Variants in DOCK3 observed in about 807,000 individuals in gnomAD.
DOCK3 encodes dedicator of cytokinesis protein 3.
DOCK3 carries 60 observed loss-of-function variants against 265.6 expected under a neutral mutation model. The observed-to-expected ratio is 0.23, with a 90% CI of 0.18 to 0.28. The LOEUF (loss-of-function observed/expected upper bound fraction) is 0.28, where lower values mean the gene tolerates loss of function less well. Ranked by LOEUF, DOCK3 falls within the 10% of genes least tolerant of loss-of-function variation. The probability of loss-of-function intolerance (pLI) is 1.00; values close to 1 mark genes in which losing one functional copy is unlikely to be tolerated. For synonymous variants in DOCK3, 881 were observed against 938.0 expected, an observed-to-expected ratio of 0.94 and a Z score of 1.11; for missense variants, 1,981 against 2,594.3, an observed-to-expected ratio of 0.76 and a Z score of 5.14.
chr3:51,310,332 T>C lies in DOCK3; in HGVS notation c.3017+6T>C. On this transcript the variant is annotated splice_donor_region_variant and intron_variant, in intron 28 of 52. Transcript: ENST00000266037. ...ATGAGACTGCTCACAAGCAAGTAAG[T>C]ATGGAAGGGCTCTGTATCAGCATCA... 1.3e-6 allele frequency: 2 copies of C among 1,583,840 alleles called. No individual in the cohort carries two copies. The highest frequency in any genetic ancestry group is 8.6e-7 in the Non-Finnish European group (1 of 1,163,144).
intron 1 of DOCK3, among the ~76,000 whole-genome samples, chr3:50,676,065 C>T (rs1005802383): frequency 6.6e-6 from 1 of 152,156 alleles, no homozygotes; most frequent in Admixed American, 6.5e-5. Flanking sequence ...GTGGCAATTA[C>T]ATGATAGAGT....
chr3:51,135,336 C>T (rs1258079353), intron 9 of DOCK3, among the ~76,000 whole-genome samples: 1 of 152,204 alleles, frequency 6.6e-6, no homozygotes, highest in Non-Finnish European at 1.5e-5. Flanking sequence ...TGTTGTCTCT[C>T]TGGAGTTCTT....
At chr3:50,725,850 C>T (rs189835742) in intron 1 of DOCK3, among the ~76,000 whole-genome samples, 11 of 152,140 alleles carry the variant, frequency 7.2e-5, no homozygotes, top group East Asian at 3.9e-4. Flanking sequence ...AGTAGCCTCC[C>T]GGGTGGCATT....
chr3:51,344,684 G>C (rs975766049), intron 38 of DOCK3, among the ~76,000 whole-genome samples: 3 of 152,280 alleles, frequency 2.0e-5, no homozygotes, highest in Admixed American at 6.5e-5. Flanking sequence ...CACTGGTAGG[G>C]AGTTTTAGAG....
chr3:50,824,178 T>C (rs1251680800), intron 2 of DOCK3, among the ~76,000 whole-genome samples: 1 of 152,194 alleles, frequency 6.6e-6, no homozygotes, highest in East Asian at 1.9e-4. Flanking sequence ...TAGGCTACTT[T>C]AATAAGTGAA....
chr3:50,811,319 A>C (rs1283543023), intron 2 of DOCK3, among the ~76,000 whole-genome samples: 1 of 152,016 alleles, frequency 6.6e-6, no homozygotes, highest in Admixed American at 6.6e-5. Context: ...CAGGAGGATC[A>C]CTTGAGCCCA....
intron 4 of DOCK3, among the ~76,000 whole-genome samples, chr3:50,905,512 C>A (rs2049440519): frequency 6.6e-6 from 1 of 152,090 alleles, no homozygotes; most frequent in African/African-American, 2.4e-5. Context: ...GTATTTTATT[C>A]TCTTTGAAGC....
At chr3:50,847,791 G>A (rs937730737) in intron 3 of DOCK3, among the ~76,000 whole-genome samples, 9 of 144,956 alleles carry the variant, frequency 6.2e-5, no homozygotes, top group Admixed American at 2.2e-4. Flanking sequence ...GGCTGAGGCA[G>A]GAGAATTGCT....
At chr3:50,716,056 C>G (rs897323504) in intron 1 of DOCK3, among the ~76,000 whole-genome samples, 1 of 151,846 alleles carries the variant, frequency 6.6e-6, no homozygotes, top group Non-Finnish European at 1.5e-5. Context: ...GTGTATTATA[C>G]TTCTCTATAT....
At chr3:50,705,598 G>A (rs1451265783) in intron 1 of DOCK3, among the ~76,000 whole-genome samples, 1 of 151,992 alleles carries the variant, frequency 6.6e-6, no homozygotes, top group Non-Finnish European at 1.5e-5. Flanking sequence ...TGTATTTTTA[G>A]TAGAGATGGG....
In DOCK3 at chr3:51,160,702, C is replaced by T. The variant is rs773805847; in HGVS notation, c.1037C>T (p.Thr346Met). 1.4e-5 allele frequency: 23 copies of T among 1,610,716 alleles called. No homozygotes were observed. The highest frequency in any genetic ancestry group is 8.4e-5 in the Admixed American group (5 of 59,508). ...AAGGATTTTGTTCTTAAGGTTTACA[C>T]GTGAGTAATGGACATCAGGAATATT... ...EEKDFVLKVY[T>M]CNNESEWSQI... is the part of the protein sequence containing the mutation. The change falls in exon 12 of 53, where the codon ACG (threonine) becomes ATG (methionine). Residue 346 changes from threonine to methionine, a missense_variant and splice_region_variant. Around this residue, in one of 4 missense-constraint regions of DOCK3, gnomAD observed 456 missense variants for 539.0 expected, o/e 0.85. Transcript: ENST00000266037.
chr3:50,722,604 C>G (rs143686053), intron 1 of DOCK3, among the ~76,000 whole-genome samples: 1 of 151,988 alleles, frequency 6.6e-6, no homozygotes, highest in African/African-American at 2.4e-5. Flanking sequence ...GAGGATAAAG[C>G]GATTCATAAT....
intron 5 of DOCK3, among the ~76,000 whole-genome samples, chr3:50,982,693 G>C (rs1368123169): frequency 6.6e-6 from 1 of 152,228 alleles, no homozygotes; most frequent in African/African-American, 2.4e-5. Flanking sequence ...ACAAGTGGGA[G>C]CTCCACCAGA....
intron 38 of DOCK3, among the ~76,000 whole-genome samples, chr3:51,347,254 A>G (rs1005059619): frequency 2.0e-4 from 31 of 152,158 alleles, no homozygotes; most frequent in South Asian, 4.1e-4. Context: ...GTTTTCTTCT[A>G]GGGTTTTTAT....
rs1576291312 is a variant in DOCK3 at position 51,163,925 on chromosome 3, T to C, written c.1037+3223T>C. ...AAAAAATTTATTTAAATTATTCATATGCAGCCATGTCATCGGGTCTTTGTC... is the reference window on the plus strand; with the variant it reads ...AAAAAATTTATTTAAATTATTCATACGCAGCCATGTCATCGGGTCTTTGTC... On this transcript the variant is annotated intron_variant, in intron 12 of 52. Transcript: ENST00000266037. Among the ~76,000 whole-genome samples, 4 of 152,300 alleles carry C rather than the reference T, an allele frequency of 2.6e-5. No homozygotes were observed. The South Asian group carries it at 6.2e-4, about 24-fold the overall frequency.
At chr3:50,807,873 C>T (rs1359066485) in intron 2 of DOCK3, among the ~76,000 whole-genome samples, 2 of 152,086 alleles carry the variant, frequency 1.3e-5, no homozygotes, top group Non-Finnish European at 2.9e-5. Context: ...CCTCAGCCTC[C>T]TGAGTAACTG....
At chr3:50,961,870 A>G (rs1274376837) in intron 5 of DOCK3, among the ~76,000 whole-genome samples, 1 of 152,184 alleles carries the variant, frequency 6.6e-6, no homozygotes, top group East Asian at 1.9e-4. Context: ...CATAATTTTA[A>G]TAGAAAGGAA....
At chr3:51,310,474 T>C in intron 28 of DOCK3, 148 bp downstream of exon 28, 1 of 712,824 alleles carries the variant, frequency 1.4e-6, no homozygotes, top group Non-Finnish European at 2.3e-6. Flanking sequence ...AGAAAAACAT[T>C]TTTGTGCTTA....
rs777063594 is a variant in DOCK3 at position 51,312,797 on chromosome 3, C to G, written c.3195-47C>G. ...CTCATGGGTTTGCAGCCCTATCCTC[C>G]TGAACCTTCTCCCACTAACGGTTGG... On this transcript the variant is annotated intron_variant, in intron 30 of 52. Coordinates refer to ENST00000266037, the MANE Select transcript of DOCK3 (RefSeq NM_004947.5). 2.5e-6 allele frequency: 4 copies of G among 1,575,960 alleles called. No homozygotes were observed. The East Asian group carries it at 9.1e-5, about 36-fold the overall frequency.
Sources: allele counts gnomAD v4.1 joint callset (sites outside exome capture counted in the v4.1 genomes callset), GRCh38; gene constraint gnomAD v4.1.1; regional missense constraint gnomAD v4.1.1; transcripts MANE v1.5; gene names NCBI Gene and HGNC (gene_info 2026-07-23, HGNC 2026-07-21).